The following XPO6 variants were observed in gnomAD, a reference collection of about 807,000 sequenced individuals.
XPO6 encodes exportin 6.
XPO6 carries 3 observed loss-of-function variants against 130.0 expected under a neutral mutation model. The observed-to-expected ratio is 0.02, with a 90% CI of 0.01 to 0.06. The LOEUF is 0.06. Among genes scored for constraint, XPO6 ranks in the 10% least tolerant of loss-of-function variants. The pLI is 1.00. For synonymous variants in XPO6, 524 were observed against 548.9 expected (o/e 0.95, Z 0.63); for missense variants, 970 against 1,393.0 (o/e 0.70, Z 4.83).
intron 8 of XPO6, among the ~76,000 whole-genome samples, chr16:28,149,021 G>A (rs536908515): frequency 1.2e-3 from 170 of 141,702 alleles, no homozygotes; most frequent in African/African-American, 4.1e-3. Context: ...CAGCGTGGGC[G>A]ACAAGAGTGA....
chr16:28,114,667 C>T (rs1286385419), intron 15 of XPO6, among the ~76,000 whole-genome samples: 1 of 152,160 alleles, frequency 6.6e-6, no homozygotes, highest in African/African-American at 2.4e-5. Context: ...GTGGTGGTTG[C>T]TCAAAGTTGG....
chr16:28,116,380 T>C (rs2087055675), intron 15 of XPO6, among the ~76,000 whole-genome samples: 1 of 151,236 alleles, frequency 6.6e-6, no homozygotes, highest in African/African-American at 2.4e-5. Flanking sequence ...GAGAATGGCG[T>C]GAACCCGGGA....
intron 6 of XPO6, among the ~76,000 whole-genome samples, chr16:28,162,443 T>C (rs1425436596): frequency 6.6e-6 from 1 of 152,150 alleles, no homozygotes; most frequent in African/African-American, 2.4e-5. Context: ...GAGGGTAGCT[T>C]GATTACAAAA....
chr16:28,113,424 TC>T (rs1950088988), intron 15 of XPO6, among the ~76,000 whole-genome samples: 1 of 152,114 alleles, frequency 6.6e-6, no homozygotes, highest in African/African-American at 2.4e-5. Context: ...AGCCAAGATC[TC>T]CCCGAGCCCC....
At chr16:28,127,207 G>A (rs903304606) in intron 12 of XPO6, among the ~76,000 whole-genome samples, 4 of 152,052 alleles carry the variant, frequency 2.6e-5, no homozygotes, top group African/African-American at 7.2e-5. Context: ...CCAGAGCCTC[G>A]TGTCTCTGTG....
rs193034095 is a variant in XPO6 at position 28,099,651 on chromosome 16, G to A, written c.3277-1012C>T. ...GGGGAGTAACAGGACCCACACTTCAGAGGCTTGTTAGAAGGCTTACTCGAG... is the reference window on the plus strand; with the variant it reads ...GGGGAGTAACAGGACCCACACTTCAAAGGCTTGTTAGAAGGCTTACTCGAG... On this transcript the variant is annotated intron_variant, in intron 23 of 23. Transcript: ENST00000304658. 3.3e-3 allele frequency among the ~76,000 whole-genome samples: 502 copies of A among 152,348 alleles called. 2 individuals are homozygous for A. The highest frequency in any genetic ancestry group is 4.6e-3 in the Non-Finnish European group (314 of 68,036).
intron 5 of XPO6, among the ~76,000 whole-genome samples, chr16:28,168,432 A>G (rs28651291): frequency 1 from 151,478 of 152,088 alleles, 75,444 homozygotes; most frequent in Middle Eastern, 1. Flanking sequence ...GCAGTAAGCT[A>G]TGTTCACATC....
At chr16:28,193,624 G>C (rs1447622007) in intron 1 of XPO6, among the ~76,000 whole-genome samples, 3 of 152,204 alleles carry the variant, frequency 2.0e-5, no homozygotes, top group African/African-American at 7.2e-5. Context: ...TGAGCAGCAA[G>C]AAAGCAGATG....
Position 28,101,436 on chromosome 16 carries a change from C to CCCG in XPO6, c.3276+19_3276+21dup, listed in dbSNP as rs1300193408. The stretch of plus-strand genomic sequence containing the variant: ...CGTGCCCACTCTGCCCTCCTCTTAG[C>CCCG]CCGGCCTCTTTCTCTCCTCACCCGA... On this transcript the variant is annotated intron_variant, in intron 23 of 23. Coordinates refer to ENST00000304658, the MANE Select transcript of XPO6 (RefSeq NM_015171.4). The surrounding 1 kb of genome is among the most constrained non-coding windows in gnomAD (Gnocchi z 5.4). 6.2e-7 allele frequency: 1 copy of CCCG among 1,609,860 alleles called. No individual in the cohort carries two copies. Among genetic ancestry groups the CCCG allele is most frequent in the Non-Finnish European group, 8.5e-7 (1 of 1,176,220 alleles).
chr16:28,146,989 T>C (rs2042995468), intron 8 of XPO6, among the ~76,000 whole-genome samples: 1 of 152,170 alleles, frequency 6.6e-6, no homozygotes, highest in Non-Finnish European at 1.5e-5. Flanking sequence ...AGGTTCAACT[T>C]GTGGCTCCAA....
At chr16:28,131,604 T>G (rs932368283) in intron 12 of XPO6, among the ~76,000 whole-genome samples, 1 of 152,212 alleles carries the variant, frequency 6.6e-6, no homozygotes, top group Non-Finnish European at 1.5e-5. Context: ...TATACCATCA[T>G]GCGACTTGTA....
At chr16:28,201,258 T>C (rs543733662) in intron 1 of XPO6, among the ~76,000 whole-genome samples, 2 of 152,306 alleles carry the variant, frequency 1.3e-5, no homozygotes, top group Admixed American at 1.3e-4. Flanking sequence ...GCATTCATAC[T>C]CTATTTCACT....
intron 7 of XPO6, chr16:28,153,976 A>T (rs1409322227): frequency 1.0e-6 from 1 of 985,282 alleles, no homozygotes; most frequent in Non-Finnish European, 1.2e-6. Context: ...GCAGCTTTTT[A>T]AAAAATACAT....
chr16:28,160,987 C>T (rs564420950), intron 6 of XPO6, among the ~76,000 whole-genome samples: 4 of 152,324 alleles, frequency 2.6e-5, no homozygotes, highest in Admixed American at 2.0e-4. Flanking sequence ...ACTCTCCCAA[C>T]TGCTTCTGCC....
Position 28,151,503 on chromosome 16 carries a change from A to G in XPO6, c.1224+1156T>C, listed in dbSNP as rs187922387. On this transcript the variant is annotated intron_variant, in intron 8 of 23. Transcript: ENST00000304658. ...CTTTCATTCAGAGAAGCTCTAAAAC[A>G]GGCGAAACTAGTCTGTGGTATTAAG... is the stretch of plus-strand genomic sequence containing the variant. Among the ~76,000 whole-genome samples the G allele has an allele frequency of 5.7e-4, 87 of 152,318 alleles. 1 individual carries two copies. Among genetic ancestry groups the G allele is most frequent in the African/African-American group, 2.1e-3 (86 of 41,572 alleles).
rs199675110 is a variant in XPO6, at chr16:28,211,345, G to A, written c.3+21C>T. 266 of 1,312,388 alleles carry A rather than the reference G, an allele frequency of 2.0e-4. 2 individuals carry two copies. In the South Asian group the frequency reaches 7.2e-3, roughly 35 times the overall value. The allele number at this position is 1,312,388 out of a possible 1,614,324, so 81.3% of individuals were successfully genotyped here. On this transcript the variant is annotated intron_variant, in intron 1 of 23. Coordinates refer to ENST00000304658, the MANE Select transcript of XPO6 (RefSeq NM_015171.4). ...TCCGGTAGGGCACCCCAGGAGGGAA[G>A]GGGGCTCCAATTCCACTTACCATGC...
chr16:28,140,061 G>C (rs1481073732), intron 9 of XPO6, among the ~76,000 whole-genome samples: 1 of 151,882 alleles, frequency 6.6e-6, no homozygotes, highest in Non-Finnish European at 1.5e-5. Context: ...GCAAAACCCT[G>C]TCTCTACTAA....
intron 6 of XPO6, among the ~76,000 whole-genome samples, chr16:28,159,097 G>A (rs1446245100): frequency 6.6e-6 from 1 of 152,048 alleles, no homozygotes; most frequent in Non-Finnish European, 1.5e-5. Flanking sequence ...AAGCATGGTG[G>A]CACATGCCTA....
chr16:28,123,225 C>T (rs900594304), intron 13 of XPO6, among the ~76,000 whole-genome samples: 3 of 152,102 alleles, frequency 2.0e-5, no homozygotes, highest in Admixed American at 2.0e-4. Context: ...GCCTCAGCGC[C>T]CCCTCCCATA....
Sources: allele counts gnomAD v4.1 joint callset (sites outside exome capture counted in the v4.1 genomes callset), GRCh38; gene constraint gnomAD v4.1.1; non-coding constraint Gnocchi (gnomAD v3.1); transcripts MANE v1.5; gene names NCBI Gene and HGNC (gene_info 2026-07-23, HGNC 2026-07-21).